Variants in RORB observed in about 807,000 individuals in gnomAD.
RORB encodes nuclear receptor ROR-beta.
In RORB, 6 loss-of-function variants were observed where a neutral mutation model predicts 59.1. The ratio of observed to expected loss-of-function variants is 0.10; its 90% CI spans 0.06 to 0.20. RORB has a LOEUF of 0.20. Ranked by LOEUF, RORB falls within the 10% of genes least tolerant of loss-of-function variation. The pLI, the probability that RORB is intolerant of heterozygous loss-of-function variation, is 1.00. For missense variants in RORB, 320 were observed against 560.5 expected (o/e 0.57, Z 4.33); for synonymous variants, 215 against 204.5 (o/e 1.05, Z -0.44).
chr9:74,670,704 G>A (rs1239622806), intron 8 of RORB, among the ~76,000 whole-genome samples: 1 of 152,150 alleles, frequency 6.6e-6, no homozygotes, highest in African/African-American at 2.4e-5. Flanking sequence ...TCTCCTGCCA[G>A]ACAGCCCCCT....
chr9:74,612,604 T>C (rs747570730), intron 1 of RORB, among the ~76,000 whole-genome samples: 2 of 152,310 alleles, frequency 1.3e-5, no homozygotes, highest in Non-Finnish European at 2.9e-5. Flanking sequence ...TTTGATTCTC[T>C]TTTGTACCCA....
intron 1 of RORB, among the ~76,000 whole-genome samples, chr9:74,504,089 A>G (rs968280233): frequency 6.6e-6 from 1 of 152,152 alleles, no homozygotes; most frequent in African/African-American, 2.4e-5. Flanking sequence ...GGTAACCTCT[A>G]AAATATACCT....
rs1000291982 is a variant in RORB, at chr9:74,688,091, G to T, written c.*2473G>T. On this transcript the variant is annotated 3_prime_UTR_variant, in exon 10 of 10. Transcript: ENST00000376896. ...TTTCCCATGGGTGATATAGGAAAAA[G>T]ATTGTTCCCCACATTTACCTTGGGA... The T allele has an allele frequency of 6.6e-6, 1 of 152,192 alleles. No individual in the cohort carries two copies. Among genetic ancestry groups the T allele is most frequent in the Admixed American group, 6.5e-5 (1 of 15,282 alleles). The allele number at this position is 152,192 out of a possible 1,614,324, so 9.4% of individuals were successfully genotyped here.
At chr9:74,663,017 A>G (rs1050194945) in intron 6 of RORB, among the ~76,000 whole-genome samples, 3 of 151,960 alleles carry the variant, frequency 2.0e-5, no homozygotes, top group Admixed American at 1.3e-4. Context: ...GATAGCCTGC[A>G]GCCAGTATAC....
intron 1 of RORB, among the ~76,000 whole-genome samples, chr9:74,564,482 A>G (rs1011643039): frequency 1.3e-5 from 2 of 152,194 alleles, no homozygotes; most frequent in African/African-American, 4.8e-5. Context: ...CCTGCAAATT[A>G]CTGTAACTCG....
intron 9 of RORB, among the ~76,000 whole-genome samples, chr9:74,675,611 C>T (rs999868454): frequency 1.7e-4 from 26 of 152,098 alleles, no homozygotes; most frequent in Admixed American, 1.6e-3. Flanking sequence ...CTGATTTTGC[C>T]AAGTCTTATG....
At chr9:74,603,756 A>C (rs757022598) in intron 1 of RORB, among the ~76,000 whole-genome samples, 1 of 152,238 alleles carries the variant, frequency 6.6e-6, no homozygotes, top group Non-Finnish European at 1.5e-5. Context: ...GCTCTAATAC[A>C]TCACTCTACC....
chr9:74,648,406 C>G (rs978347594), intron 4 of RORB, among the ~76,000 whole-genome samples: 1 of 152,164 alleles, frequency 6.6e-6, no homozygotes, highest in African/African-American at 2.4e-5. Flanking sequence ...GATCAAATGA[C>G]TTTTAAAGAC....
intron 1 of RORB, among the ~76,000 whole-genome samples, chr9:74,539,868 C>CAAAAA (rs11322021): frequency 8.8e-6 from 1 of 113,614 alleles, no homozygotes; most frequent in Non-Finnish European, 1.8e-5. Flanking sequence ...CTTAACCTCT[C>CAAAAA]AAAAAAAAAA....
At chr9:74,663,259 G>A (rs1824218390) in intron 6 of RORB, among the ~76,000 whole-genome samples, 1 of 151,946 alleles carries the variant, frequency 6.6e-6, no homozygotes, top group South Asian at 2.1e-4. Flanking sequence ...CATGGTCCTA[G>A]GCCATAATAA....
intron 1 of RORB, among the ~76,000 whole-genome samples, chr9:74,525,591 T>G (rs958699528): frequency 2.0e-5 from 3 of 151,926 alleles, no homozygotes; most frequent in African/African-American, 7.2e-5. Flanking sequence ...CAAGAGGATG[T>G]CATGCCCACA....
chr9:74,571,643 T>C (rs1038656835), intron 1 of RORB, among the ~76,000 whole-genome samples: 1 of 152,168 alleles, frequency 6.6e-6, no homozygotes, highest in Non-Finnish European at 1.5e-5. Flanking sequence ...TTTTTCGTAA[T>C]AGTAAAAGGT....
intron 9 of RORB, 52 bp from the exon 10 acceptor site, chr9:74,685,411 A>G: frequency 2.7e-6 from 4 of 1,460,540 alleles, no homozygotes; most frequent in Non-Finnish European, 3.7e-6. Context: ...CCACAGACAG[A>G]GCACTAATGA....
intron 1 of RORB, among the ~76,000 whole-genome samples, chr9:74,509,633 T>C (rs973753233): frequency 1.9e-4 from 29 of 152,198 alleles, no homozygotes; most frequent in African/African-American, 7.0e-4. Flanking sequence ...TATAAGCATT[T>C]CAATGAAAAA....
intron 1 of RORB, among the ~76,000 whole-genome samples, chr9:74,554,169 G>C (rs543525335): frequency 1.3e-5 from 2 of 152,138 alleles, no homozygotes; most frequent in Non-Finnish European, 2.9e-5. Context: ...TGATTGCACA[G>C]GTGAGATAAA....
chr9:74,622,747 G>A (rs1012140139), intron 1 of RORB, among the ~76,000 whole-genome samples: 7 of 151,724 alleles, frequency 4.6e-5, no homozygotes, highest in Non-Finnish European at 7.4e-5. Context: ...GGATGGTCTC[G>A]ATCTCTTAAC....
At chr9:74,649,623 A>G (rs930510732) in intron 4 of RORB, among the ~76,000 whole-genome samples, 1 of 152,194 alleles carries the variant, frequency 6.6e-6, no homozygotes, top group Non-Finnish European at 1.5e-5. Flanking sequence ...ACAATCACCT[A>G]GTAACATGTA....
chr9:74,537,874 G>A (rs929142378), intron 1 of RORB, among the ~76,000 whole-genome samples: 28 of 152,064 alleles, frequency 1.8e-4, no homozygotes, highest in East Asian at 7.8e-4. Flanking sequence ...ATATAGCATA[G>A]CCTAAGTGTA....
rs575849792 is a variant in RORB, at chr9:74,634,091, A to AC, written c.94-540_94-539insC. 5.2e-4 allele frequency among the ~76,000 whole-genome samples: 79 copies of AC among 151,688 alleles called. No homozygotes were observed. In the South Asian group the frequency reaches 0.017, roughly 32 times the overall value. On this transcript the variant is annotated intron_variant, in intron 2 of 9. Coordinates refer to ENST00000376896, the MANE Select transcript of RORB (RefSeq NM_006914.4). ...ACCTCAAAAAGTTAAAAAAAAAAAA[A>AC]AGACACTTTTCAGCTGCATTCGAGC...
Sources: allele counts gnomAD v4.1 joint callset (sites outside exome capture counted in the v4.1 genomes callset), GRCh38; gene constraint gnomAD v4.1.1; transcripts MANE v1.5; gene names NCBI Gene and HGNC (gene_info 2026-07-23, HGNC 2026-07-21).